TAF3: variants seen among roughly 807,000 people sequenced by gnomAD.
TAF3 encodes TATA-box binding protein associated factor 3, also known as transcription initiation factor TFIID subunit 3.
TAF3 carries 7 observed loss-of-function variants against 80.6 expected under a neutral mutation model. That is an observed-to-expected ratio of 0.09 (90% CI 0.05 to 0.16). TAF3 has a LOEUF of 0.16. Ranked by LOEUF, TAF3 falls within the 10% of genes least tolerant of loss-of-function variation. TAF3 has a pLI of 1.00. For synonymous variants in TAF3, 444 were observed against 446.1 expected, an observed-to-expected ratio of 1.00 and a Z score of 0.06; for missense variants, 921 against 1,140.2, an observed-to-expected ratio of 0.81 and a Z score of 2.77.
chr10:7,832,628 C>T (rs1470985607), intron 2 of TAF3, among the ~76,000 whole-genome samples: 1 of 152,140 alleles, frequency 6.6e-6, no homozygotes, highest in African/African-American at 2.4e-5. Context: ...ACTGCAAGCT[C>T]CATCTCCTAG....
intron 2 of TAF3, among the ~76,000 whole-genome samples, chr10:7,933,881 T>C (rs1564366123): frequency 6.6e-6 from 1 of 152,124 alleles, no homozygotes; most frequent in Non-Finnish European, 1.5e-5. Flanking sequence ...ATGCACGTTT[T>C]CCCCCCGATT....
intron 4 of TAF3, among the ~76,000 whole-genome samples, chr10:7,999,482 A>C (rs1024887797): frequency 2.1e-5 from 3 of 140,422 alleles, no homozygotes; most frequent in Non-Finnish European, 3.0e-5. Context: ...TTTGAGATGG[A>C]GTCTCGCTTT....
intron 2 of TAF3, among the ~76,000 whole-genome samples, chr10:7,909,950 A>C (rs1278569111): frequency 6.6e-6 from 1 of 152,216 alleles, no homozygotes; most frequent in East Asian, 1.9e-4. Flanking sequence ...TAGTGATTGC[A>C]TATAACCTAT....
intron 2 of TAF3, among the ~76,000 whole-genome samples, chr10:7,861,056 G>A (rs1056802288): frequency 2.6e-5 from 4 of 151,910 alleles, no homozygotes; most frequent in Admixed American, 2.0e-4. Context: ...CCGCCTCATG[G>A]GTTCATGCCA....
At chr10:7,840,125 G>A (rs975804601) in intron 2 of TAF3, among the ~76,000 whole-genome samples, 13 of 151,504 alleles carry the variant, frequency 8.6e-5, no homozygotes, top group Non-Finnish European at 1.6e-4. Flanking sequence ...AATTAACAAA[G>A]TAATTCTATG....
At chr10:7,938,067 A>G (rs1372945420) in intron 2 of TAF3, among the ~76,000 whole-genome samples, 1 of 152,242 alleles carries the variant, frequency 6.6e-6, no homozygotes, top group Non-Finnish European at 1.5e-5. Flanking sequence ...GATGTGAAGT[A>G]TGAATGTCTT....
intron 2 of TAF3, among the ~76,000 whole-genome samples, chr10:7,852,489 A>G (rs578256771): frequency 9.9e-5 from 15 of 152,122 alleles, no homozygotes; most frequent in African/African-American, 3.6e-4. Flanking sequence ...AGAGTTTTTT[A>G]TAGTCTGAAT....
intron 2 of TAF3, among the ~76,000 whole-genome samples, chr10:7,914,325 T>C (rs1837685428): frequency 6.6e-6 from 1 of 152,254 alleles, no homozygotes; most frequent in Admixed American, 6.5e-5. Flanking sequence ...AAGTATTGGC[T>C]TATGTTAACC....
intron 3 of TAF3, among the ~76,000 whole-genome samples, chr10:7,974,710 G>C (rs1831653686): frequency 6.6e-6 from 1 of 152,192 alleles, no homozygotes; most frequent in African/African-American, 2.4e-5. Context: ...AGATTGAAAT[G>C]TGTGAGAAAT....
At chr10:8,013,623 A>G (rs1207663634) in intron 5 of TAF3, 108 bp from the exon 6 acceptor site, 2 of 768,636 alleles carry the variant, frequency 2.6e-6, no homozygotes, top group Non-Finnish European at 2.2e-6. Flanking sequence ...TTAGTTTAAT[A>G]TGCCTGTTTA....
intron 4 of TAF3, among the ~76,000 whole-genome samples, chr10:8,007,712 A>G (rs1832010533): frequency 6.6e-6 from 1 of 150,664 alleles, no homozygotes; most frequent in Non-Finnish European, 1.5e-5. Flanking sequence ...TCTCTTGCTG[A>G]TCTTCAGTTT....
At chr10:7,951,086 G>C (rs1397123410) in intron 2 of TAF3, among the ~76,000 whole-genome samples, 2 of 152,178 alleles carry the variant, frequency 1.3e-5, no homozygotes, top group African/African-American at 4.8e-5. Context: ...TGATGAAAAT[G>C]TTGTGACCAG....
chr10:7,893,097 G>A (rs1202523231), intron 2 of TAF3, among the ~76,000 whole-genome samples: 1 of 152,006 alleles, frequency 6.6e-6, no homozygotes, highest in African/African-American at 2.4e-5. Context: ...TGGGATTATA[G>A]GCGTGAGCCA....
rs193145871 is a variant in TAF3, at chr10:7,949,485, G to C, written c.410-14435G>C. On this transcript the variant is annotated intron_variant, in intron 2 of 6. Transcript: ENST00000344293. ...CCCACCTGTCCTAGCCTTTCCCTTTGCATCGCATTATGTAAGTCCTCCCTT... is the reference window on the plus strand; with the variant it reads ...CCCACCTGTCCTAGCCTTTCCCTTTCCATCGCATTATGTAAGTCCTCCCTT... Among the ~76,000 whole-genome samples the C allele has an allele frequency of 5.9e-5, 9 of 152,314 alleles. No homozygotes were observed. In the East Asian group the frequency reaches 1.3e-3, roughly 23 times the overall value.
chr10:7,845,099 G>C (rs970969797), intron 2 of TAF3, among the ~76,000 whole-genome samples: 4 of 152,148 alleles, frequency 2.6e-5, no homozygotes, highest in Non-Finnish European at 5.9e-5. Context: ...GTGCCGTAAT[G>C]AATGTATGAT....
intron 4 of TAF3, among the ~76,000 whole-genome samples, chr10:8,008,245 C>T (rs576260835): frequency 2.4e-4 from 36 of 151,996 alleles, no homozygotes; most frequent in Admixed American, 1.5e-3. Flanking sequence ...TACAGGTGCA[C>T]GCCACTGCAC....
intron 2 of TAF3, among the ~76,000 whole-genome samples, chr10:7,874,525 C>G (rs1325697049): frequency 6.6e-6 from 1 of 152,022 alleles, no homozygotes; most frequent in Non-Finnish European, 1.5e-5. Context: ...TTTAGAATTT[C>G]TGTTCTGGCC....
rs1564345335 is a variant in TAF3 at position 7,842,169 on chromosome 10, TTTTTTTG to T, written c.409+17616_409+17622del. ...TAATATTGTTTTTTTTTTTTGTTTT[TTTTTTTG>T]TTTTTTTTTTTTTTTGAGACAGAGT... On this transcript the variant is annotated intron_variant, in intron 2 of 6. Coordinates refer to ENST00000344293, the MANE Select transcript of TAF3 (RefSeq NM_031923.4). 2.1e-3 allele frequency among the ~76,000 whole-genome samples: 199 copies of T among 95,326 alleles called. 1 individual carries two copies. Among genetic ancestry groups the T allele is most frequent in the African/African-American group, 6.9e-3 (177 of 25,606 alleles). The allele number at this position is 95,326 out of a possible 152,430, so 62.5% of individuals were successfully genotyped here.
At chr10:7,990,708 A>G (rs1350751389) in intron 4 of TAF3, among the ~76,000 whole-genome samples, 1 of 152,336 alleles carries the variant, frequency 6.6e-6, no homozygotes, top group East Asian at 1.9e-4. Context: ...AAAACAATTC[A>G]GAGATTCCCC....
Sources: allele counts gnomAD v4.1 joint callset (sites outside exome capture counted in the v4.1 genomes callset), GRCh38; gene constraint gnomAD v4.1.1; transcripts MANE v1.5; gene names NCBI Gene and HGNC (gene_info 2026-07-23, HGNC 2026-07-21).